KLHL5: variants seen among roughly 807,000 people sequenced by gnomAD.
The protein encoded by KLHL5 is kelch like family member 5.
A neutral mutation model predicts 77.7 loss-of-function variants in KLHL5; 48 were observed. The observed-to-expected ratio is 0.62, with a 90% CI of 0.49 to 0.79. The LOEUF (loss-of-function observed/expected upper bound fraction) is 0.79, where lower values mean the gene tolerates loss of function less well. Ranked by LOEUF, KLHL5 falls within the 30% of genes least tolerant of loss-of-function variation. The pLI, the probability that KLHL5 is intolerant of heterozygous loss-of-function variation, is 0.00. For synonymous variants in KLHL5, 260 were observed against 297.0 expected (o/e 0.88, Z 1.28); for missense variants, 723 against 859.7 (o/e 0.84, Z 1.99).
chr4:39,128,362 G>A (rs1723646218), downstream of KLHL5, among the ~76,000 whole-genome samples: 1 of 152,090 alleles, frequency 6.6e-6, no homozygotes, highest in Admixed American at 6.6e-5. Flanking sequence ...TTGTTCACAT[G>A]TTGGTGGGGG....
At chr4:39,119,143 CTTG>C (rs1287482991) in intron 10 of KLHL5, among the ~76,000 whole-genome samples, 3 of 152,114 alleles carry the variant, frequency 2.0e-5, no homozygotes, top group Non-Finnish European at 4.4e-5. Context: ...TTATTTGAGA[CTTG>C]TTATTATTTA....
the KLHL5 span, among the ~76,000 whole-genome samples, chr4:39,141,304 C>CTTTTTTTTTTTTTTTTTTTTTTTTTTTT: frequency 1.3e-5 from 1 of 75,626 alleles, no homozygotes; most frequent in Non-Finnish European, 2.5e-5. Flanking sequence ...ATTTTTTAGT[C>CTTTTTTTTTTTTTTTTTTTTTTTTTTTT]TTTTTTTTTT....
chr4:39,122,096 AT>A lies in KLHL5; in HGVS notation c.*1035del, dbSNP rs1395382526. The A allele has an allele frequency of 6.6e-6, 1 of 152,586 alleles. No individual in the cohort carries two copies. Among genetic ancestry groups the A allele is most frequent in the African/African-American group, 2.4e-5 (1 of 41,438 alleles). 9.5% of individuals were successfully genotyped at this position (152,586 alleles called of 1,614,324 possible). ...GTGTTTGTTACCCTAAGTTTTTTAC[AT>A]TTTTAAACTCTAATTACATATGTGA... On this transcript the variant is annotated 3_prime_UTR_variant, in exon 11 of 11. Coordinates refer to ENST00000504108, the MANE Select transcript of KLHL5 (RefSeq NM_015990.5).
At chr4:39,102,395 A>G (rs1053737360) in intron 6 of KLHL5, among the ~76,000 whole-genome samples, 7 of 151,218 alleles carry the variant, frequency 4.6e-5, no homozygotes, top group South Asian at 2.1e-4. Flanking sequence ...AAAAAAAAAA[A>G]AAAAGAAAAG....
At chr4:39,084,820 A>G (rs1044039098) in intron 4 of KLHL5, among the ~76,000 whole-genome samples, 1 of 152,218 alleles carries the variant, frequency 6.6e-6, no homozygotes, top group Non-Finnish European at 1.5e-5. Flanking sequence ...TTATTATTTC[A>G]GTTTCTTCAC....
intron 5 of KLHL5, 124 bp downstream of exon 5, chr4:39,086,851 T>C (rs1299916449): frequency 3.0e-6 from 2 of 664,434 alleles, no homozygotes; most frequent in Non-Finnish European, 5.2e-6. Context: ...ATTCTGCTTA[T>C]GCTTTCAGTC....
At chr4:39,116,050 A>C in intron 10 of KLHL5, 1 of 983,606 alleles carries the variant, frequency 1.0e-6, no homozygotes, top group South Asian at 4.7e-5. Context: ...CAAAGCTTCT[A>C]GGCCAGGCAT....
chr4:39,091,924 A>G (rs2566148), intron 5 of KLHL5, among the ~76,000 whole-genome samples: 34,237 of 146,098 alleles, frequency 0.23, 4,393 homozygotes, highest in African/African-American at 0.35. Flanking sequence ...GCCTCAAGCA[A>G]TCCTCCCGCC....
intron 1 of KLHL5, among the ~76,000 whole-genome samples, chr4:39,073,822 ATTTTTATTTTTT>A (rs964437556): frequency 7.4e-5 from 8 of 108,608 alleles, no homozygotes; most frequent in African/African-American, 1.9e-4. Flanking sequence ...TTTTTTTTTT[ATTTTTATTTTTT>A]TTTTTGTATT....
At chr4:39,077,526 G>A (rs1719175541) in intron 2 of KLHL5, among the ~76,000 whole-genome samples, 1 of 151,646 alleles carries the variant, frequency 6.6e-6, no homozygotes, top group South Asian at 2.1e-4. Flanking sequence ...GAACCACAAG[G>A]CAATACCACC....
Position 39,113,088 on chromosome 4 carries a change from C to T in KLHL5, c.1757C>T (p.Thr586Ile). 6.2e-7 allele frequency: 1 copy of T among 1,613,972 alleles called. No individual in the cohort carries two copies. The highest frequency in any genetic ancestry group is 8.5e-7 in the Non-Finnish European group (1 of 1,179,958). ...LKSVECFDPH[T>I]NKWTLCAQMS... is the part of the protein sequence containing the mutation. Reference sequence around the variant, plus strand: ...TCAGTAGAATGTTTTGATCCTCATACTAATAAGTGGACACTGTGTGCACAG... The same window carrying T: ...TCAGTAGAATGTTTTGATCCTCATATTAATAAGTGGACACTGTGTGCACAG... Residue 586 changes from threonine (T) to isoleucine (I), a missense_variant, in exon 9 of 11, where the codon ACT (threonine) becomes ATT (isoleucine). This residue lies in a region of KLHL5 where 214 missense variants were observed against 237.4 expected (regional missense o/e 0.90). Coordinates refer to ENST00000504108, the MANE Select transcript of KLHL5 (RefSeq NM_015990.5).
intron 1 of KLHL5, among the ~76,000 whole-genome samples, chr4:39,049,702 TAAATAAATAAA>T (rs1014309803): frequency 1.0e-4 from 15 of 147,628 alleles, no homozygotes; most frequent in East Asian, 4.0e-4. Flanking sequence ...GTCTCAAAAA[TAAATAAATAAA>T]AAATAAATAA....
At chr4:39,103,835 A>G (rs549756081) in intron 7 of KLHL5, among the ~76,000 whole-genome samples, 1 of 32,772 alleles carries the variant, frequency 3.1e-5, no homozygotes, top group South Asian at 1.5e-3. Context: ...TTTTTTTTTA[A>G]TTAAAAAATT....
At chr4:39,069,430 T>TTATATATA (rs60740721) in intron 1 of KLHL5, among the ~76,000 whole-genome samples, 3 of 30,486 alleles carry the variant, frequency 9.8e-5, no homozygotes, top group Admixed American at 4.8e-4. Flanking sequence ...TATTAACATT[T>TTATATATA]TATATATATA....
At chr4:39,058,505 T>TA (rs930499122), upstream of KLHL5, among the ~76,000 whole-genome samples, 73 of 152,102 alleles carry the variant, frequency 4.8e-4, no homozygotes, top group Admixed American at 2.6e-3. Context: ...TAGTCCCAGT[T>TA]ACCTGGGAGG....
the KLHL5 span, among the ~76,000 whole-genome samples, chr4:39,131,949 G>C: frequency 4.0e-5 from 6 of 151,530 alleles, no homozygotes; most frequent in Non-Finnish European, 7.4e-5. Context: ...AAAATAAGCA[G>C]AGAACTGAAG....
At position 39,104,613 on chromosome 4, in the gene KLHL5, T is replaced by C. The variant is rs77135229; in HGVS notation, c.1525+1102T>C. 8.6e-3 allele frequency among the ~76,000 whole-genome samples: 1,317 copies of C among 152,340 alleles called. 17 individuals carry two copies. Among genetic ancestry groups the C allele is most frequent in the African/African-American group, 0.03 (1,233 of 41,574 alleles). The stretch of plus-strand genomic sequence containing the variant: ...TCTAGGTGCCATACAAAAGACTTTA[T>C]TGAACTGCAGCAAGTTGAAAGGAAA... On this transcript the variant is annotated intron_variant, in intron 7 of 10. Transcript: ENST00000504108.
chr4:39,129,713 A>G (rs909119554), downstream of KLHL5, among the ~76,000 whole-genome samples: 7 of 152,132 alleles, frequency 4.6e-5, no homozygotes, highest in African/African-American at 1.7e-4. The surrounding 1 kb of genome is among the most constrained non-coding windows in gnomAD (Gnocchi z 4.2). Context: ...TATGTCCTTT[A>G]TAACAGATTT....
Position 39,076,064 on chromosome 4 carries a change from T to A in KLHL5, c.483T>A (p.Phe161Leu), listed in dbSNP as rs1467825190. Reference sequence around the variant, plus strand: ...CCCTTAATCATGCCGAGCAAACATTTAAAAAAATGGAAAACTATTTGAGAC... The same window carrying A: ...CCCTTAATCATGCCGAGCAAACATTAAAAAAAATGGAAAACTATTTGAGAC... ...FQALNHAEQTFKKMENYLRHK... is the reference protein window; with the variant it reads ...FQALNHAEQTLKKMENYLRHK... The change falls in exon 2 of 11, where the codon TTT becomes TTA. Residue 161 changes from phenylalanine (F) to leucine (L), a missense_variant. Transcript: ENST00000504108. The A allele has an allele frequency of 3.1e-6, 5 of 1,608,396 alleles. No homozygotes were observed. The highest frequency in any genetic ancestry group is 2.2e-5 in the East Asian group (1 of 44,754).
Sources: gnomAD v4.1 joint callset for allele counts (sites outside exome capture counted in the v4.1 genomes callset) on GRCh38, gnomAD v4.1.1 for gene constraint, gnomAD v4.1.1 regional missense constraint, Gnocchi (gnomAD v3.1) non-coding constraint, MANE v1.5 for transcripts, NCBI Gene and HGNC (gene_info 2026-07-23, HGNC 2026-07-21) for gene names.